The following DOCK11 variants were observed in gnomAD, a reference collection of about 807,000 sequenced individuals.
DOCK11 encodes dedicator of cytokinesis 11, also known as dedicator of cytokinesis protein 11.
DOCK11 carries 70 observed loss-of-function variants against 169.1 expected under a neutral mutation model. The observed-to-expected ratio is 0.41, with a 90% confidence interval of 0.34 to 0.51. DOCK11 has a LOEUF of 0.51. Among genes scored for constraint, DOCK11 ranks in the 20% least tolerant of loss-of-function variants. The probability of loss-of-function intolerance (pLI) is 0.10; values close to 1 mark genes in which losing one functional copy is unlikely to be tolerated. For missense variants in DOCK11, 1,166 were observed against 1,538.8 expected (o/e 0.76, Z 4.05); for synonymous variants, 529 against 541.3 (o/e 0.98, Z 0.32).
chrX:118,607,010 C>T (rs184675821), intron 24 of DOCK11, among the ~76,000 whole-genome samples: 2 of 109,404 alleles, frequency 1.8e-5, no homozygotes, highest in South Asian at 4.0e-4. Context: ...CTTTTCATTG[C>T]GTCTTTATTC....
chrX:118,521,004 C>A (rs1450911541), intron 1 of DOCK11, among the ~76,000 whole-genome samples: 3 of 111,694 alleles, frequency 2.7e-5, no homozygotes, highest in African/African-American at 9.8e-5. Context: ...CCACATCTCC[C>A]ATCTTCTCAC....
At chrX:118,571,199 C>G (rs990592004) in intron 10 of DOCK11, among the ~76,000 whole-genome samples, 6 of 110,959 alleles carry the variant, frequency 5.4e-5, no homozygotes, top group African/African-American at 2.0e-4. Flanking sequence ...TTCCAACTAC[C>G]TACTACCGTC....
chrX:118,582,022 C>T (rs1379562472), intron 14 of DOCK11, among the ~76,000 whole-genome samples: 1 of 108,310 alleles, frequency 9.2e-6, no homozygotes, highest in African/African-American at 3.4e-5. Flanking sequence ...CCCAGCTACT[C>T]GGGAGGCTGA....
At chrX:118,621,656 C>T (rs2014977145) in intron 31 of DOCK11, among the ~76,000 whole-genome samples, 1 of 109,735 alleles carries the variant, frequency 9.1e-6, no homozygotes, top group Non-Finnish European at 1.9e-5. Flanking sequence ...TTTTTTGTGA[C>T]GGAGTCTCGC....
intron 1 of DOCK11, among the ~76,000 whole-genome samples, chrX:118,531,810 C>T (rs927109524): frequency 1.1e-5 from 1 of 93,075 alleles, no homozygotes; most frequent in Non-Finnish European, 2.1e-5. Flanking sequence ...CCGCCCGCAT[C>T]AGCCTCCCAA....
Position 118,680,599 on chromosome X carries a change from A to G in DOCK11, c.5578A>G (p.Ile1860Val), listed in dbSNP as rs1453137592. Reference protein sequence around the residue: ...RKTEFERNHNISRFVFEAPYT... With the variant: ...RKTEFERNHNVSRFVFEAPYT... ...GACCGAGTTTGAAAGAAATCATAAT[A>G]TCAGCAGATTTGTTTTTGAGGCCCC... Residue 1860 changes from isoleucine (I) to valine (V), a missense_variant, in exon 49 of 53, where the codon ATC becomes GTC. By Grantham distance (29) the Ile-to-Val change is conservative. Transcript: ENST00000276202. The G allele has an allele frequency of 2.5e-6, 3 of 1,209,611 alleles. No individual in the cohort carries two copies. The highest frequency in any genetic ancestry group is 3.4e-6 in the Non-Finnish European group (3 of 894,750).
chrX:118,634,867 T>C (rs759137440), intron 35 of DOCK11, among the ~76,000 whole-genome samples: 1 of 111,319 alleles, frequency 9.0e-6, no homozygotes, highest in East Asian at 2.8e-4. Context: ...TAACTGGGAT[T>C]ACAGGCGCGC....
At chrX:118,518,165 C>T (rs140302975) in intron 1 of DOCK11, among the ~76,000 whole-genome samples, 2,860 of 111,965 alleles carry the variant, frequency 0.026, 56 homozygotes, top group Non-Finnish European at 0.038. Flanking sequence ...AATCTTTATA[C>T]TTCTCATGGA....
At chrX:118,647,860 T>C (rs7890510) in intron 40 of DOCK11, among the ~76,000 whole-genome samples, 2 of 51,104 alleles carry the variant, frequency 3.9e-5, no homozygotes, top group East Asian at 1.4e-3. Context: ...AATATAATAT[T>C]TAATAACATG....
intron 34 of DOCK11, 96 bp downstream of exon 34, chrX:118,628,368 C>A: frequency 2.0e-6 from 1 of 509,389 alleles, no homozygotes; most frequent in Non-Finnish European, 3.2e-6. Context: ...CACCTGTAGT[C>A]CATCCTGGCT....
intron 1 of DOCK11, among the ~76,000 whole-genome samples, chrX:118,519,822 C>T (rs1020828751): frequency 4.5e-5 from 5 of 111,737 alleles, no homozygotes; most frequent in African/African-American, 1.6e-4. Context: ...TAACCATCCA[C>T]TAATTTATAT....
At chrX:118,648,170 A>AAATTAAT (rs2015832276) in intron 40 of DOCK11, among the ~76,000 whole-genome samples, 1 of 77,837 alleles carries the variant, frequency 1.3e-5, no homozygotes, top group African/African-American at 5.2e-5. Flanking sequence ...TATAATATAT[A>AAATTAAT]ATATAATAGT....
chrX:118,610,868 G>C (rs1000854906), intron 28 of DOCK11, among the ~76,000 whole-genome samples: 1 of 110,846 alleles, frequency 9.0e-6, no homozygotes, highest in South Asian at 3.8e-4. Context: ...GTGAAACCCC[G>C]TCTCTACCAA....
chrX:118,672,657 G>T (rs934946023), intron 46 of DOCK11, among the ~76,000 whole-genome samples: 1 of 112,438 alleles, frequency 8.9e-6, no homozygotes, highest in Non-Finnish European at 1.9e-5. Flanking sequence ...AGATGGTCTC[G>T]ATCTCCTGAC....
At position 118,569,733 on chromosome X, in the gene DOCK11, A is replaced by AT. The variant is rs3084778; in HGVS notation, c.1035+1585dup. On this transcript the variant is annotated intron_variant, in intron 10 of 52. Coordinates refer to ENST00000276202, the MANE Select transcript of DOCK11 (RefSeq NM_144658.4). ...ATATTGCTTTAGTGCAAGTTATGTG[A>AT]TTTTTTTTTTTTTTGTAAAAAAGTA... Among the ~76,000 whole-genome samples the AT allele has an allele frequency of 3.1e-3, 319 of 102,526 alleles. 1 individual carries two copies. Among genetic ancestry groups the AT allele is most frequent in the African/African-American group, 5.5e-3 (155 of 28,284 alleles). The allele number at this position is 102,526 out of a possible 115,157, so 89.0% of individuals were successfully genotyped here. A position where few individuals can be genotyped will look rare whatever the true frequency, so the allele number is the denominator to read the frequency against.
chrX:118,620,332 A>T (rs896331130), intron 31 of DOCK11, among the ~76,000 whole-genome samples: 4 of 111,655 alleles, frequency 3.6e-5, no homozygotes, highest in Admixed American at 9.5e-5. Context: ...GTCATTTATC[A>T]TCGGTCATTT....
chrX:118,597,968 G>T (rs767300933), intron 21 of DOCK11, 62 bp from the exon 22 acceptor site: 2 of 866,639 alleles, frequency 2.3e-6, no homozygotes, highest in Non-Finnish European at 3.2e-6. Flanking sequence ...AATGCATAAA[G>T]GTATTATATG....
chrX:118,662,649 T>C (rs765442882), intron 44 of DOCK11, 37 bp from the exon 45 acceptor site: 18 of 822,428 alleles, frequency 2.2e-5, no homozygotes, highest in East Asian at 3.1e-5. Context: ...AAATGCTTTC[T>C]CATAAATTCA....
intron 4 of DOCK11, among the ~76,000 whole-genome samples, chrX:118,544,417 A>G (rs1054819921): frequency 9.0e-6 from 1 of 110,701 alleles, no homozygotes; most frequent in African/African-American, 3.3e-5. Flanking sequence ...CTAATTCCTC[A>G]CAGGATGTCA....
Sources: allele counts gnomAD v4.1 joint callset (sites outside exome capture counted in the v4.1 genomes callset), GRCh38; gene constraint gnomAD v4.1.1; transcripts MANE v1.5; gene names NCBI Gene and HGNC (gene_info 2026-07-23, HGNC 2026-07-21).